Variants in MRC2 observed in about 807,000 individuals in gnomAD.
The protein encoded by MRC2 is mannose receptor C-type 2, also known as C-type mannose receptor 2.
In MRC2, 84 loss-of-function variants were observed where a neutral mutation model predicts 206.2. The ratio of observed to expected loss-of-function variants is 0.41; its 90% CI spans 0.34 to 0.49. MRC2 has a LOEUF of 0.49. Ranked by LOEUF, MRC2 falls within the 20% of genes least tolerant of loss-of-function variation. The pLI, the probability that MRC2 is intolerant of heterozygous loss-of-function variation, is 0.31. For missense variants in MRC2, 1,676 were observed against 2,001.5 expected (o/e 0.84, Z 3.10); for synonymous variants, 798 against 800.0 (o/e 1.00, Z 0.04).
At chr17:62,689,816 G>A in intron 24 of MRC2, 56 bp downstream of exon 24, 2 of 1,531,560 alleles carry the variant, frequency 1.3e-6, no homozygotes, top group Non-Finnish European at 1.8e-6. Context: ...TCCCCTCCCT[G>A]CCCCTTCCTG....
At chr17:62,636,050 G>A (rs2088313510) in intron 1 of MRC2, among the ~76,000 whole-genome samples, 1 of 151,292 alleles carries the variant, frequency 6.6e-6, no homozygotes, top group East Asian at 1.9e-4. Flanking sequence ...GCCTCCCAAA[G>A]TGCTAGGATT....
intron 1 of MRC2, among the ~76,000 whole-genome samples, chr17:62,645,833 C>T (rs1263799875): frequency 6.6e-6 from 1 of 151,272 alleles, no homozygotes; most frequent in Non-Finnish European, 1.5e-5. Flanking sequence ...AGCCACCGCA[C>T]CTGGCTTTCC....
chr17:62,676,577 C>T, intron 11 of MRC2, 46 bp downstream of exon 11: 4 of 1,544,998 alleles, frequency 2.6e-6, no homozygotes, highest in Non-Finnish European at 3.5e-6. Flanking sequence ...GGAGGGAGGC[C>T]AGGGTGGACT....
At chr17:62,684,176 C>G (rs1383104042) in intron 20 of MRC2, among the ~76,000 whole-genome samples, 1 of 152,208 alleles carries the variant, frequency 6.6e-6, no homozygotes, top group Non-Finnish European at 1.5e-5. Context: ...TATTTCAAAA[C>G]ATGCATTTCA....
chr17:62,645,990 T>C (rs2088479273), intron 1 of MRC2, among the ~76,000 whole-genome samples: 1 of 151,762 alleles, frequency 6.6e-6, no homozygotes, highest in Non-Finnish European at 1.5e-5. Flanking sequence ...TTATCCCCTA[T>C]TGGACATTTA....
intron 20 of MRC2, among the ~76,000 whole-genome samples, chr17:62,686,451 TCAACAACAACAACAA>T (rs58330151): frequency 1.1e-3 from 167 of 150,150 alleles, no homozygotes; most frequent in African/African-American, 3.5e-3. Flanking sequence ...AGACTCCATC[TCAACAACAACAACAA>T]CAACAACAAC....
At chr17:62,655,365 C>A (rs2088605096) in intron 1 of MRC2, among the ~76,000 whole-genome samples, 1 of 150,366 alleles carries the variant, frequency 6.7e-6, no homozygotes, top group South Asian at 2.1e-4. Flanking sequence ...CATGGTGAAA[C>A]CCCGTTTCTA....
chr17:62,675,738 T>C lies in MRC2; in HGVS notation c.1570-52T>C. ...CCACCACAGGATTTATGGGTGAGGGTGGAGAGTCATCTTCCCTACAGACAC... is the reference window on the plus strand; with the variant it reads ...CCACCACAGGATTTATGGGTGAGGGCGGAGAGTCATCTTCCCTACAGACAC... On this transcript the variant is annotated intron_variant, in intron 9 of 29. Transcript: ENST00000303375. This position sits in a 1 kb window ranked among gnomAD's most constrained non-coding sequence, Gnocchi z 4.1. 1 of 1,389,658 alleles carries C rather than the reference T, an allele frequency of 7.2e-7. No individual in the cohort carries two copies. The highest frequency in any genetic ancestry group is 1.0e-6 in the Non-Finnish European group (1 of 977,346). The allele number at this position is 1,389,658 out of a possible 1,614,324, so 86.1% of individuals were successfully genotyped here. A position where few individuals can be genotyped will look rare whatever the true frequency, so the allele number is the denominator to read the frequency against.
intron 1 of MRC2, among the ~76,000 whole-genome samples, chr17:62,656,564 A>G (rs1349365781): frequency 6.6e-6 from 1 of 152,204 alleles, no homozygotes; most frequent in East Asian, 1.9e-4. Flanking sequence ...GAAAGCCCCC[A>G]AGGGAGCAGC....
intron 1 of MRC2, among the ~76,000 whole-genome samples, chr17:62,643,996 A>G (rs1019418960): frequency 1.3e-5 from 2 of 152,238 alleles, no homozygotes; most frequent in Admixed American, 6.5e-5. Context: ...ATATATGAAT[A>G]GAAATATTTT....
intron 1 of MRC2, among the ~76,000 whole-genome samples, chr17:62,630,829 C>T (rs1349942982): frequency 6.6e-6 from 1 of 152,100 alleles, no homozygotes; most frequent in African/African-American, 2.4e-5. Context: ...AGACCAGCTC[C>T]CTACACTTCT....
At chr17:62,656,750 A>G (rs1459507793) in intron 1 of MRC2, among the ~76,000 whole-genome samples, 1 of 152,190 alleles carries the variant, frequency 6.6e-6, no homozygotes, top group Non-Finnish European at 1.5e-5. Flanking sequence ...AGACAAGCTA[A>G]TTAAAAAAGG....
At chr17:62,690,367 C>A in intron 26 of MRC2, 62 bp downstream of exon 26, 2 of 1,543,860 alleles carry the variant, frequency 1.3e-6, no homozygotes, top group South Asian at 2.5e-5. Flanking sequence ...CGTGGGCACT[C>A]AGACCCATGA....
In MRC2 at chr17:62,671,568, C is replaced by T; in HGVS notation, c.1118-81C>T. 1 of 1,360,044 alleles carries T rather than the reference C, an allele frequency of 7.4e-7. No individual in the cohort carries two copies. The highest frequency in any genetic ancestry group is 9.9e-7 in the Non-Finnish European group (1 of 1,009,530). The allele number at this position is 1,360,044 out of a possible 1,614,324, so 84.2% of individuals were successfully genotyped here. ...AGAGGAGGTGACTGGGAGGCCTCGC[C>T]TGTGTTGACGTCAACCCAGTGGGTT... On this transcript the variant is annotated intron_variant, in intron 6 of 29. Coordinates refer to ENST00000303375, the MANE Select transcript of MRC2 (RefSeq NM_006039.5). The surrounding 1 kb of genome is among the most constrained non-coding windows in gnomAD (Gnocchi z 4.5).
intron 6 of MRC2, among the ~76,000 whole-genome samples, chr17:62,669,807 C>T (rs1459666482): frequency 2.0e-5 from 3 of 152,212 alleles, no homozygotes; most frequent in South Asian, 4.1e-4. Flanking sequence ...TCACCCGCCT[C>T]GGCCTCCCAA....
chr17:62,682,695 G>A lies in MRC2; in HGVS notation c.2946+318G>A, dbSNP rs570327568. Among the ~76,000 whole-genome samples the A allele has an allele frequency of 6.0e-5, 9 of 150,224 alleles. No individual in the cohort carries two copies. The South Asian group carries it at 1.7e-3, about 28-fold the overall frequency. On this transcript the variant is annotated intron_variant, in intron 20 of 29. Transcript: ENST00000303375. ...TCACTCTTGTCACCCAGGCTGGAGT[G>A]CAGTGGCGCGATCTCGGCTCACTGC...
Position 62,692,480 on chromosome 17 carries a change from G to A in MRC2, c.*29G>A, listed in dbSNP as rs751562266. 1.6e-5 allele frequency: 24 copies of A among 1,538,502 alleles called. No homozygotes were observed. The African/African-American group carries it at 3.0e-4, about 19-fold the overall frequency. The stretch of plus-strand genomic sequence containing the variant: ...CAGGCGCGTGGGCAGGGCCAGGGCG[G>A]GAGGAGCTGGGGAGCTGGGGCCCTG... On this transcript the variant is annotated 3_prime_UTR_variant, in exon 30 of 30. Transcript: ENST00000303375. The surrounding 1 kb of genome is among the most constrained non-coding windows in gnomAD (Gnocchi z 4.2).
At chr17:62,657,080 G>C (rs2088627309) in intron 1 of MRC2, among the ~76,000 whole-genome samples, 1 of 152,184 alleles carries the variant, frequency 6.6e-6, no homozygotes, top group Admixed American at 6.5e-5. Flanking sequence ...ATCAGCTCAA[G>C]AGTGAGCCTT....
intron 1 of MRC2, among the ~76,000 whole-genome samples, chr17:62,640,220 C>G (rs892447374): frequency 6.6e-6 from 1 of 152,028 alleles, no homozygotes; most frequent in Non-Finnish European, 1.5e-5. Flanking sequence ...AGTCTTACAA[C>G]ATTTAATATG....
Sources: allele counts gnomAD v4.1 joint callset (sites outside exome capture counted in the v4.1 genomes callset), GRCh38; gene constraint gnomAD v4.1.1; non-coding constraint Gnocchi (gnomAD v3.1); transcripts MANE v1.5; gene names NCBI Gene and HGNC (gene_info 2026-07-23, HGNC 2026-07-21).